ME1: variants seen among roughly 807,000 people sequenced by gnomAD.
ME1 encodes malic enzyme 1.
Under a neutral mutation model 66.4 loss-of-function variants are expected in ME1, and 74 were observed. The ratio of observed to expected loss-of-function variants is 1.11; its 90% confidence interval spans 0.92 to 1.35. The LOEUF is 1.35. Among genes scored for constraint, ME1 ranks in the 40% most tolerant of loss-of-function variants. ME1 has a pLI of 0.00. For synonymous variants in ME1, 251 were observed against 235.6 expected, an observed-to-expected ratio of 1.07 and a Z score of -0.60; for missense variants, 750 against 694.1, an observed-to-expected ratio of 1.08 and a Z score of -0.90.
chr6:83,226,755 A>G (rs939528680), intron 11 of ME1, among the ~76,000 whole-genome samples: 2 of 151,730 alleles, frequency 1.3e-5, no homozygotes, highest in East Asian at 1.9e-4. Context: ...TGTTGTAATG[A>G]TATTTTAAAG....
At chr6:83,275,632 T>G (rs1364503385) in intron 6 of ME1, among the ~76,000 whole-genome samples, 1 of 148,992 alleles carries the variant, frequency 6.7e-6, no homozygotes, top group African/African-American at 2.5e-5. Flanking sequence ...GCCTGGCTAA[T>G]TTTTTTGTAT....
At chr6:83,278,999 T>TC (rs1218505786) in intron 6 of ME1, among the ~76,000 whole-genome samples, 8 of 151,540 alleles carry the variant, frequency 5.3e-5, no homozygotes, top group South Asian at 2.1e-4. Context: ...AACAACCCCT[T>TC]CCCCCCCAAC....
intron 5 of ME1, among the ~76,000 whole-genome samples, chr6:83,316,555 T>C (rs572898314): frequency 5.3e-5 from 8 of 151,866 alleles, no homozygotes; most frequent in African/African-American, 1.9e-4. Flanking sequence ...CTCTACACTA[T>C]ACTGGAGACC....
At chr6:83,296,743 G>A (rs1417674805) in intron 6 of ME1, among the ~76,000 whole-genome samples, 2 of 152,156 alleles carry the variant, frequency 1.3e-5, no homozygotes, top group African/African-American at 4.8e-5. Flanking sequence ...GTTTGCAGAT[G>A]ACATGATTCT....
intron 7 of ME1, among the ~76,000 whole-genome samples, chr6:83,249,667 T>A (rs796991528): frequency 6.6e-6 from 1 of 152,226 alleles, no homozygotes; most frequent in African/African-American, 2.4e-5. Context: ...TCATTTCCAA[T>A]AGCATTCACC....
intron 8 of ME1, among the ~76,000 whole-genome samples, chr6:83,239,045 G>T (rs1306109748): frequency 6.6e-6 from 1 of 151,532 alleles, no homozygotes; most frequent in African/African-American, 2.4e-5. Context: ...AAAATATTTT[G>T]GGATTTTTGC....
intron 9 of ME1, among the ~76,000 whole-genome samples, chr6:83,237,351 AAAAGAAAG>A (rs374053623): frequency 8.4e-6 from 1 of 118,770 alleles, no homozygotes; most frequent in Non-Finnish European, 1.6e-5. Flanking sequence ...GAAAGAAAGA[AAAAGAAAG>A]AAAGAAAGAA....
intron 7 of ME1, among the ~76,000 whole-genome samples, chr6:83,243,877 ATG>A (rs1246570558): frequency 1.8e-5 from 2 of 108,190 alleles, no homozygotes; most frequent in Admixed American, 2.3e-4. Flanking sequence ...CTCTCTCTAT[ATG>A]TGTGTGTGTA....
Position 83,426,276 on chromosome 6 carries a change from C to CGAAGAAA in ME1, c.78+4600_78+4601insTTTCTTC, listed in dbSNP as rs1301844604. The stretch of plus-strand genomic sequence containing the variant: ...GGCAAAATCTCAAATCCATTCCTTT[C>CGAAGAAA]TTCAATATTTTTTATACTCCATATC... On this transcript the variant is annotated intron_variant, in intron 1 of 13. Coordinates refer to ENST00000369705, the MANE Select transcript of ME1 (RefSeq NM_002395.6). 8.5e-5 allele frequency among the ~76,000 whole-genome samples: 13 copies of CGAAGAAA among 152,338 alleles called. No individual in the cohort carries two copies. The South Asian group carries it at 1.2e-3, about 15-fold the overall frequency.
At chr6:83,234,937 T>C (rs1219501079) in intron 9 of ME1, among the ~76,000 whole-genome samples, 6 of 152,206 alleles carry the variant, frequency 3.9e-5, no homozygotes, top group Non-Finnish European at 8.8e-5. Context: ...ATTAACAAAA[T>C]ATTTGTTGTC....
chr6:83,301,797 C>G (rs1767726110), intron 6 of ME1, among the ~76,000 whole-genome samples: 2 of 152,154 alleles, frequency 1.3e-5, no homozygotes, highest in Non-Finnish European at 2.9e-5. Context: ...TCAAAAAACA[C>G]AGATCCTGGT....
chr6:83,412,592 A>G (rs2128552571), intron 1 of ME1, among the ~76,000 whole-genome samples: 1 of 152,352 alleles, frequency 6.6e-6, no homozygotes, highest in South Asian at 2.1e-4. Flanking sequence ...ATAATTTGAA[A>G]CAACAAAAGT....
At chr6:83,393,079 G>C in intron 3 of ME1, 2 of 1,448,992 alleles carry the variant, frequency 1.4e-6, no homozygotes, top group Admixed American at 1.8e-5. Context: ...GAGCTAAACG[G>C]GAAGCTCACT....
At chr6:83,258,784 T>C (rs1363811213) in intron 6 of ME1, among the ~76,000 whole-genome samples, 2 of 152,136 alleles carry the variant, frequency 1.3e-5, no homozygotes, top group Non-Finnish European at 2.9e-5. Flanking sequence ...GTTGAGTTCA[T>C]ACTGCTAGCA....
intron 6 of ME1, 87 bp downstream of exon 6, chr6:83,315,222 TA>T: frequency 1.3e-6 from 1 of 752,994 alleles, no homozygotes; most frequent in Non-Finnish European, 2.3e-6. Flanking sequence ...TTCTAATTAT[TA>T]AACCATATTG....
intron 3 of ME1, among the ~76,000 whole-genome samples, chr6:83,386,882 G>T (rs1009064672): frequency 4.6e-5 from 7 of 151,846 alleles, no homozygotes; most frequent in African/African-American, 1.5e-4. Flanking sequence ...CCCAGAAGAG[G>T]GTCCTTACTG....
At chr6:83,410,253 G>A (rs1770025513) in intron 1 of ME1, among the ~76,000 whole-genome samples, 1 of 151,938 alleles carries the variant, frequency 6.6e-6, no homozygotes, top group African/African-American at 2.4e-5. Context: ...TAATTCATTA[G>A]AATTTATTAT....
At chr6:83,231,456 C>T (rs1440881968) in intron 9 of ME1, among the ~76,000 whole-genome samples, 1 of 152,138 alleles carries the variant, frequency 6.6e-6, no homozygotes, top group South Asian at 2.1e-4. Context: ...CTTGACAAAA[C>T]AGAAGAAGCA....
At chr6:83,313,493 A>G in intron 6 of ME1, among the ~76,000 whole-genome samples, 1 of 152,212 alleles carries the variant, frequency 6.6e-6, no homozygotes, top group East Asian at 1.9e-4. Flanking sequence ...ATTCCCAATA[A>G]TAAAAACTCC....
Sources: allele counts gnomAD v4.1 joint callset (sites outside exome capture counted in the v4.1 genomes callset), GRCh38; gene constraint gnomAD v4.1.1; transcripts MANE v1.5; gene names NCBI Gene and HGNC (gene_info 2026-07-23, HGNC 2026-07-21).